ANKRD11: variants seen among roughly 807,000 people sequenced by gnomAD.
The protein encoded by ANKRD11 is ankyrin repeat domain-containing protein 11.
A neutral mutation model predicts 195.7 loss-of-function variants in ANKRD11; 17 were observed. That is an observed-to-expected ratio of 0.09 (90% CI 0.06 to 0.13). ANKRD11 has a LOEUF of 0.13. Ranked by LOEUF, ANKRD11 falls within the 10% of genes least tolerant of loss-of-function variation. The pLI, the probability that ANKRD11 is intolerant of heterozygous loss-of-function variation, is 1.00. For missense variants in ANKRD11, 3,735 were observed against 3,566.1 expected (o/e 1.05, Z -1.21); for synonymous variants, 1,953 against 1,528.1 (o/e 1.28, Z -6.49).
rs748036164 is a variant in ANKRD11 at position 89,282,652 on chromosome 16, T to C, written c.3890A>G (p.Asn1297Ser). 4.3e-6 allele frequency: 7 copies of C among 1,614,224 alleles called. No homozygotes were observed. Among genetic ancestry groups the C allele is most frequent in the Non-Finnish European group, 5.1e-6 (6 of 1,180,048 alleles). ...EALHEYREDS[N>S]DKISEVSSDS... ...AGAGGAGACCTCGCTGATTTTATCGTTGGAGTCTTCTCTGTACTCATGGAG... is the reference window on the plus strand; with the variant it reads ...AGAGGAGACCTCGCTGATTTTATCGCTGGAGTCTTCTCTGTACTCATGGAG... The change falls in exon 9 of 13, where the codon AAC becomes AGC. Residue 1297 changes from asparagine to serine, a missense_variant. Physicochemically the swap from Asn to Ser is conservative, Grantham distance 46. Transcript: ENST00000301030.
intron 1 of ANKRD11, among the ~76,000 whole-genome samples, chr16:89,462,398 T>G (rs1328887792): frequency 1.3e-5 from 2 of 152,200 alleles, no homozygotes; most frequent in Admixed American, 1.3e-4. Flanking sequence ...TGGAGTGCAG[T>G]GGCATGATCT....
intron 2 of ANKRD11, chr16:89,324,579 G>A (rs183515926): frequency 8.8e-6 from 4 of 452,424 alleles, no homozygotes; most frequent in Admixed American, 4.7e-5. Context: ...CATCTGGGGG[G>A]GCATGATCTC....
chr16:89,281,928 T>C lies in ANKRD11; in HGVS notation c.4614A>G (p.Ala1538=). The C allele has an allele frequency of 6.2e-7, 1 of 1,613,258 alleles. No individual in the cohort carries two copies. ...TCACTGGGTCGCCCTTTTCTTTCTC[T>C]GCACCGTCCTTGAATTTCTCCTTCA... ...AKLKEKFKDG[A]EKEKGDPVKM... Residue 1538 remains alanine, a synonymous_variant, in exon 9 of 13, where the codon GCA becomes GCG. Transcript: ENST00000301030. This position sits in a 1 kb window ranked among gnomAD's most constrained non-coding sequence, Gnocchi z 5.5.
chr16:89,437,951 T>C (rs1451254283), intron 1 of ANKRD11, among the ~76,000 whole-genome samples: 1 of 152,228 alleles, frequency 6.6e-6, no homozygotes, highest in Non-Finnish European at 1.5e-5. Context: ...TTTCCTCATC[T>C]GTAGAAAGAA....
chr16:89,480,651 T>C (rs761169579), intron 1 of ANKRD11, among the ~76,000 whole-genome samples: 3 of 152,156 alleles, frequency 2.0e-5, no homozygotes, highest in Non-Finnish European at 4.4e-5. Context: ...ATACTCCTTC[T>C]AGCAGCAGGC....
intron 1 of ANKRD11, among the ~76,000 whole-genome samples, chr16:89,455,611 G>A (rs1282610368): frequency 6.6e-6 from 1 of 151,998 alleles, no homozygotes; most frequent in Non-Finnish European, 1.5e-5. Flanking sequence ...AACAAGCAGA[G>A]AACGCCTAAT....
intron 1 of ANKRD11, among the ~76,000 whole-genome samples, chr16:89,488,721 A>G (rs576569847): frequency 2.2e-4 from 34 of 152,148 alleles, no homozygotes; most frequent in Non-Finnish European, 4.4e-4. Context: ...ACATCCCAAA[A>G]AGGATCAAAA....
intron 1 of ANKRD11, among the ~76,000 whole-genome samples, chr16:89,476,449 C>T (rs1456435560): frequency 1.3e-5 from 2 of 152,304 alleles, no homozygotes; most frequent in South Asian, 4.1e-4. Flanking sequence ...ATCATTTACA[C>T]ATCAACATCA....
rs1421678693 is a variant in ANKRD11, at chr16:89,282,261, C to T, written c.4281G>A (p.Lys1427=). 6.2e-7 allele frequency: 1 copy of T among 1,613,890 alleles called. No homozygotes were observed. Among genetic ancestry groups the T allele is most frequent in the Non-Finnish European group, 8.5e-7 (1 of 1,179,984 alleles). The stretch of plus-strand genomic sequence containing the variant: ...CTCTCTCGGAATCATTTTTATCTTT[C>T]TTTTCGGTAGAAAACAATTCAATGG... ...DKTIELFSTE[K]KDKNDSEREP... is the part of the protein sequence containing the mutation. Residue 1427 remains lysine, a synonymous_variant, in exon 9 of 13, where the codon AAG becomes AAA. Transcript: ENST00000301030.
intron 2 of ANKRD11, among the ~76,000 whole-genome samples, chr16:89,407,626 G>C (rs2041958521): frequency 6.6e-6 from 1 of 152,204 alleles, no homozygotes; most frequent in African/African-American, 2.4e-5. Flanking sequence ...TTCAAGACCA[G>C]CCTGAGTAAC....
intron 7 of ANKRD11, chr16:89,287,007 G>GT: frequency 1.6e-6 from 2 of 1,289,600 alleles, no homozygotes; most frequent in Non-Finnish European, 2.0e-6. Flanking sequence ...GTTCTTATGT[G>GT]TGTGAGTTTT....
intron 1 of ANKRD11, among the ~76,000 whole-genome samples, chr16:89,444,100 C>T (rs979498721): frequency 1.3e-5 from 2 of 152,050 alleles, no homozygotes; most frequent in African/African-American, 2.4e-5. Flanking sequence ...CAACTCACTT[C>T]GGTATTTTAC....
chr16:89,285,151 C>T lies in ANKRD11; in HGVS notation c.1391G>A (p.Gly464Asp), dbSNP rs186899166. Reference sequence around the variant, plus strand: ...CCGCTTTCCGAAGCGAACCTCTCTGCCTTTTGTTTCTTTCTTTCGCTTCTT... The same window carrying T: ...CCGCTTTCCGAAGCGAACCTCTCTGTCTTTTGTTTCTTTCTTTCGCTTCTT... The part of the protein sequence containing the change: ...VKKKRKKETK[G>D]REVRFGKRSD... Residue 464 changes from glycine to aspartate, a missense_variant, in exon 9 of 13, where the codon GGC (glycine) becomes GAC (aspartate). Physicochemically the swap from Gly to Asp is moderately conservative, Grantham distance 94. Coordinates refer to ENST00000301030, the MANE Select transcript of ANKRD11 (RefSeq NM_013275.6). The surrounding 1 kb of genome is among the most constrained non-coding windows in gnomAD (Gnocchi z 5.6). 1.9e-6 allele frequency: 3 copies of T among 1,613,534 alleles called. No homozygotes were observed. The Admixed American group carries it at 5.0e-5, about 27-fold the overall frequency.
intron 1 of ANKRD11, among the ~76,000 whole-genome samples, chr16:89,430,887 G>A (rs888320520): frequency 6.6e-6 from 1 of 152,146 alleles, no homozygotes. Context: ...CCCTGCCTGT[G>A]CTCTCCTCTT....
chr16:89,359,865 T>C (rs1290205049), intron 2 of ANKRD11, among the ~76,000 whole-genome samples: 2 of 152,154 alleles, frequency 1.3e-5, no homozygotes, highest in Admixed American at 6.6e-5. Context: ...GAGAGTGCCA[T>C]GGATGCCAAA....
intron 3 of ANKRD11, among the ~76,000 whole-genome samples, chr16:89,309,688 G>A (rs2036503942): frequency 6.6e-6 from 1 of 152,248 alleles, no homozygotes; most frequent in Non-Finnish European, 1.5e-5. Flanking sequence ...CTGGGCAGCT[G>A]GGGTGGGACA....
At chr16:89,358,446 T>A (rs1281971989) in intron 2 of ANKRD11, among the ~76,000 whole-genome samples, 1 of 152,244 alleles carries the variant, frequency 6.6e-6, no homozygotes. Context: ...AATTTCCAGG[T>A]TGGGTTGGTA....
At chr16:89,293,568 G>A (rs2035212214) in intron 4 of ANKRD11, among the ~76,000 whole-genome samples, 1 of 135,116 alleles carries the variant, frequency 7.4e-6, no homozygotes, top group African/African-American at 2.7e-5. Flanking sequence ...GCGGTATTGG[G>A]GCTGCGGAGG....
rs1435535724 is a variant in ANKRD11, at chr16:89,280,540, T to C, written c.6002A>G (p.His2001Arg). The change falls in exon 9 of 13, where the codon CAC (histidine) becomes CGC (arginine). Residue 2001 changes from histidine (H) to arginine (R), a missense_variant. Transcript: ENST00000301030. Reference protein sequence around the residue: ...PKRFCPADPLHSAAPGPFSAS... With the variant: ...PKRFCPADPLRSAAPGPFSAS... The stretch of plus-strand genomic sequence containing the variant: ...GCTGAAGGGCCCTGGGGCGGCAGAG[T>C]GGAGGGGGTCCGCGGGGCAGAAACG... 6.2e-7 allele frequency: 1 copy of C among 1,611,028 alleles called. No homozygotes were observed. Among genetic ancestry groups the C allele is most frequent in the Non-Finnish European group, 8.5e-7 (1 of 1,179,466 alleles).
Sources: gnomAD v4.1 joint callset for allele counts (sites outside exome capture counted in the v4.1 genomes callset) on GRCh38, gnomAD v4.1.1 for gene constraint, Gnocchi (gnomAD v3.1) non-coding constraint, MANE v1.5 for transcripts, NCBI Gene and HGNC (gene_info 2026-07-23, HGNC 2026-07-21) for gene names.